MTUS2: variants seen among roughly 807,000 people sequenced by gnomAD.
MTUS2 encodes microtubule associated scaffold protein 2.
MTUS2 carries 40 observed loss-of-function variants against 114.1 expected under a neutral mutation model. The ratio of observed to expected loss-of-function variants is 0.35; its 90% confidence interval spans 0.27 to 0.46. The LOEUF (loss-of-function observed/expected upper bound fraction) is 0.46, where lower values mean the gene tolerates loss of function less well. MTUS2 is among the 20% of genes least tolerant of loss of function. The probability of loss-of-function intolerance (pLI) is 1.00; values close to 1 mark genes in which losing one functional copy is unlikely to be tolerated. For synonymous variants in MTUS2, 688 were observed against 672.0 expected (o/e 1.02, Z -0.37); for missense variants, 1,679 against 1,705.4 (o/e 0.98, Z 0.27).
At chr13:28,950,402 G>A (rs749192026) in intron 2 of MTUS2, among the ~76,000 whole-genome samples, 25 of 152,136 alleles carry the variant, frequency 1.6e-4, no homozygotes, top group East Asian at 3.8e-4. Flanking sequence ...ATAGGTTACC[G>A]TTTCACTATG....
chr13:29,477,942 C>G (rs1880825723), intron 9 of MTUS2, among the ~76,000 whole-genome samples: 1 of 152,090 alleles, frequency 6.6e-6, no homozygotes, highest in South Asian at 2.1e-4. Context: ...TTTCCATTTT[C>G]ACGATAATAT....
intron 4 of MTUS2, among the ~76,000 whole-genome samples, chr13:29,043,855 G>T (rs1887490382): frequency 6.6e-6 from 1 of 151,796 alleles, no homozygotes; most frequent in Non-Finnish European, 1.5e-5. Flanking sequence ...ATATCACTTT[G>T]TATATGGTGT....
intron 1 of MTUS2, among the ~76,000 whole-genome samples, chr13:28,839,393 C>T (rs891753013): frequency 6.6e-6 from 1 of 152,118 alleles, no homozygotes; most frequent in Non-Finnish European, 1.5e-5. Flanking sequence ...ATTCATATAT[C>T]AGAGGTATTC....
rs1156376318 is a variant in MTUS2, at chr13:29,340,190, G to A, written c.2905+15479G>A. The stretch of plus-strand genomic sequence containing the variant: ...GGGGAGGGCAGCACCCAGATGATCT[G>A]GGGGACGAGGGAAGCTCAAGCCTCC... On this transcript the variant is annotated intron_variant, in intron 7 of 15. Transcript: ENST00000612955. 2.0e-5 allele frequency among the ~76,000 whole-genome samples: 3 copies of A among 152,192 alleles called. No individual in the cohort carries two copies. The East Asian group carries it at 5.8e-4, about 29-fold the overall frequency.
chr13:29,292,268 C>G (rs116491153), intron 6 of MTUS2, among the ~76,000 whole-genome samples: 1,824 of 152,280 alleles, frequency 0.012, 28 homozygotes, highest in African/African-American at 0.042. Flanking sequence ...GTCAACGTCA[C>G]CTGCTCAATT....
intron 9 of MTUS2, among the ~76,000 whole-genome samples, chr13:29,468,297 G>A (rs890300130): frequency 6.6e-6 from 1 of 151,932 alleles, no homozygotes; most frequent in Admixed American, 6.6e-5. Context: ...GCATTACTGA[G>A]GCTGGGCACA....
At chr13:28,893,082 G>A (rs868106017) in intron 2 of MTUS2, among the ~76,000 whole-genome samples, 42 of 152,216 alleles carry the variant, frequency 2.8e-4, no homozygotes, top group African/African-American at 8.7e-4. Context: ...AACCTTGGAG[G>A]GTTCATTTTC....
intron 4 of MTUS2, among the ~76,000 whole-genome samples, chr13:29,060,802 CTTT>C (rs34983544): frequency 1.6e-5 from 2 of 127,712 alleles, no homozygotes; most frequent in Admixed American, 8.5e-5. Context: ...GATTAGTTGA[CTTT>C]TTTTTTTTTT....
intron 8 of MTUS2, among the ~76,000 whole-genome samples, chr13:29,433,828 T>TA (rs546230197): frequency 2.6e-4 from 39 of 152,340 alleles, no homozygotes; most frequent in African/African-American, 8.2e-4. Context: ...CTGAGAAGCG[T>TA]AAAAAAACCT....
intron 2 of MTUS2, among the ~76,000 whole-genome samples, chr13:28,966,218 G>T (rs115956060): frequency 0.011 from 1,644 of 152,188 alleles, 36 homozygotes; most frequent in African/African-American, 0.038. Context: ...CCCCTCTTTT[G>T]CATTAGCACC....
chr13:29,311,680 A>T (rs540338091), intron 6 of MTUS2, among the ~76,000 whole-genome samples: 1 of 152,224 alleles, frequency 6.6e-6, no homozygotes, highest in Admixed American at 6.5e-5. Context: ...ACCATAAGCA[A>T]TAGAAGCCAA....
chr13:28,928,002 C>T (rs1349370755), intron 2 of MTUS2, among the ~76,000 whole-genome samples: 1 of 151,988 alleles, frequency 6.6e-6, no homozygotes, highest in Non-Finnish European at 1.5e-5. Flanking sequence ...GTGCCAAGAA[C>T]ACACAATAGG....
At chr13:28,975,400 T>C (rs1369693654) in intron 2 of MTUS2, among the ~76,000 whole-genome samples, 1 of 152,190 alleles carries the variant, frequency 6.6e-6, no homozygotes, top group Non-Finnish European at 1.5e-5. Context: ...GTTCTCCTGG[T>C]CCCGGCTCTG....
intron 5 of MTUS2, among the ~76,000 whole-genome samples, chr13:29,109,677 A>G (rs1890806758): frequency 6.6e-6 from 1 of 152,218 alleles, no homozygotes; most frequent in African/African-American, 2.4e-5. Context: ...GGAGCATCAG[A>G]TGGAATTAAT....
At chr13:28,978,428 T>C (rs1275732704) in intron 2 of MTUS2, among the ~76,000 whole-genome samples, 1 of 152,194 alleles carries the variant, frequency 6.6e-6, no homozygotes, top group Non-Finnish European at 1.5e-5. Context: ...ATAAAGGGCA[T>C]AAACAACATC....
intron 1 of MTUS2, among the ~76,000 whole-genome samples, chr13:28,833,525 G>A (rs1874854139): frequency 6.6e-6 from 1 of 151,988 alleles, no homozygotes; most frequent in South Asian, 2.1e-4. Flanking sequence ...AGCACTTCAT[G>A]ATAAAAATAC....
intron 9 of MTUS2, among the ~76,000 whole-genome samples, chr13:29,477,929 A>G (rs1880824264): frequency 6.6e-6 from 1 of 152,230 alleles, no homozygotes; most frequent in Admixed American, 6.5e-5. Flanking sequence ...TAAAAAGAAG[A>G]AATTTCCATT....
intron 2 of MTUS2, among the ~76,000 whole-genome samples, chr13:28,973,816 A>C (rs1883964561): frequency 6.6e-6 from 1 of 152,190 alleles, no homozygotes; most frequent in African/African-American, 2.4e-5. Context: ...GGCAGGCGAG[A>C]AATAGCTAAT....
At chr13:29,369,119 A>G (rs1870985619) in intron 8 of MTUS2, among the ~76,000 whole-genome samples, 1 of 96,820 alleles carries the variant, frequency 1.0e-5, no homozygotes, top group Non-Finnish European at 2.5e-5. Context: ...AGGCAGCGGG[A>G]AAAAAAAGGT....
Sources: allele counts gnomAD v4.1 joint callset (sites outside exome capture counted in the v4.1 genomes callset), GRCh38; gene constraint gnomAD v4.1.1; transcripts MANE v1.5; gene names NCBI Gene and HGNC (gene_info 2026-07-23, HGNC 2026-07-21).